Variants in STOM observed in about 807,000 individuals in gnomAD.
The protein encoded by STOM is stomatin.
In STOM, 25 loss-of-function variants were observed where a neutral mutation model predicts 30.6. That is an observed-to-expected ratio of 0.82 (90% CI 0.60 to 1.14). STOM has a LOEUF of 1.14. Among genes scored for constraint, STOM ranks in the 50% most tolerant of loss-of-function variants. The pLI is 0.00. For missense variants in STOM, 292 were observed against 365.2 expected (o/e 0.80, Z 1.63); for synonymous variants, 118 against 130.8 (o/e 0.90, Z 0.67).
chr9:121,369,796 G>T, intron 1 of STOM: 1 of 319,182 alleles, frequency 3.1e-6, no homozygotes, highest in Non-Finnish European at 5.8e-6. Context: ...CCGCCTCGCT[G>T]GCTGCCAGTT....
intron 1 of STOM, among the ~76,000 whole-genome samples, chr9:121,369,518 C>A (rs542975936): frequency 6.6e-6 from 1 of 151,828 alleles, no homozygotes; most frequent in Non-Finnish European, 1.5e-5. Context: ...TGGCGAGGAA[C>A]AAAAGCCGGG....
At chr9:121,365,037 A>G (rs928961159) in intron 1 of STOM, among the ~76,000 whole-genome samples, 3 of 152,178 alleles carry the variant, frequency 2.0e-5, no homozygotes, top group Non-Finnish European at 4.4e-5. Flanking sequence ...TGTGATGAGT[A>G]AATAAGCTAA....
chr9:121,353,315 TAC>T lies in STOM; in HGVS notation c.239-15_239-14del. Reference sequence around the variant, plus strand: ...ATAAAAAACAAACCTGCAACAAAGATACACACATTATACAGACACCAGCAACC... The same window carrying T: ...ATAAAAAACAAACCTGCAACAAAGATACACATTATACAGACACCAGCAACC... On this transcript the variant is annotated splice_polypyrimidine_tract_variant and intron_variant, in intron 3 of 6. Transcript: ENST00000286713. 1 of 1,585,088 alleles carries T rather than the reference TAC, an allele frequency of 6.3e-7. No individual in the cohort carries two copies. The highest frequency in any genetic ancestry group is 8.6e-7 in the Non-Finnish European group (1 of 1,160,702).
At chr9:121,344,214 A>G (rs2064270190) in intron 6 of STOM, among the ~76,000 whole-genome samples, 1 of 152,226 alleles carries the variant, frequency 6.6e-6, no homozygotes, top group East Asian at 1.9e-4. Context: ...AGAAGGGACA[A>G]GTGCCAGCTT....
chr9:121,339,803 A>C lies in STOM; in HGVS notation c.*1399T>G, dbSNP rs1224228096. On this transcript the variant is annotated 3_prime_UTR_variant, in exon 7 of 7. Coordinates refer to ENST00000286713, the MANE Select transcript of STOM (RefSeq NM_004099.6). ...TCCTCTTTCAGCATCAATATACATG[A>C]TAGAAGAATGACTAGGTAAATTTAA... 8.2e-7 allele frequency: 1 copy of C among 1,213,490 alleles called. No homozygotes were observed. The highest frequency in any genetic ancestry group is 1.0e-6 in the Non-Finnish European group (1 of 977,162). The allele number at this position is 1,213,490 out of a possible 1,614,324, so 75.2% of individuals were successfully genotyped here.
intron 3 of STOM, 121 bp from the exon 4 acceptor site, chr9:121,353,423 G>A (rs1288125104): frequency 7.8e-6 from 4 of 511,068 alleles, no homozygotes; most frequent in African/African-American, 2.0e-5. Flanking sequence ...TCGTGAATGA[G>A]CCAGAAGCCA....
chr9:121,366,489 A>T (rs2064504864), intron 1 of STOM, among the ~76,000 whole-genome samples: 1 of 152,188 alleles, frequency 6.6e-6, no homozygotes, highest in Non-Finnish European at 1.5e-5. Context: ...CTTGGCAATT[A>T]TAATCCTTTT....
chr9:121,360,759 C>A (rs2064443661), intron 1 of STOM, among the ~76,000 whole-genome samples: 1 of 151,694 alleles, frequency 6.6e-6, no homozygotes, highest in Non-Finnish European at 1.5e-5. Flanking sequence ...TGAGGACAAG[C>A]CAAAAAGTTC....
At chr9:121,343,600 G>A (rs2064264630) in intron 6 of STOM, among the ~76,000 whole-genome samples, 1 of 152,166 alleles carries the variant, frequency 6.6e-6, no homozygotes, top group Admixed American at 6.5e-5. Flanking sequence ...AATGTTTGCT[G>A]TTTAGAAAAA....
At chr9:121,343,365 G>A (rs949280559) in intron 6 of STOM, among the ~76,000 whole-genome samples, 5 of 152,122 alleles carry the variant, frequency 3.3e-5, no homozygotes, top group African/African-American at 1.2e-4. Flanking sequence ...GGGCCTTCTA[G>A]GGTTAATAAG....
rs1471651159 is a variant in STOM at position 121,340,008 on chromosome 9, G to A, written c.*1194C>T. ...AGATAGTAAAATATAATGGTTTCCT[G>A]AAGTTATCTCTTAAAAAAGTATTTT... On this transcript the variant is annotated 3_prime_UTR_variant, in exon 7 of 7. Coordinates refer to ENST00000286713, the MANE Select transcript of STOM (RefSeq NM_004099.6). The A allele has an allele frequency of 2.0e-6, 2 of 990,286 alleles. No homozygotes were observed. Among genetic ancestry groups the A allele is most frequent in the African/African-American group, 1.7e-5 (1 of 57,512 alleles). The allele number at this position is 990,286 out of a possible 1,614,324, so 61.3% of individuals were successfully genotyped here. A position where few individuals can be genotyped will look rare whatever the true frequency, so the allele number is the denominator to read the frequency against.
chr9:121,348,034 G>T lies in STOM; in HGVS notation c.641C>A (p.Ser214Tyr). The T allele has an allele frequency of 1.2e-6, 2 of 1,614,054 alleles. No homozygotes were observed. Among genetic ancestry groups the T allele is most frequent in the Non-Finnish European group, 1.7e-6 (2 of 1,179,950 alleles). ...AGTTACCTTGGCGCGGGCCTCGCGG[G>T]ACGCTTCTGCTTCTGCAGCCATAGC... ...QRAMAAEAEA[S>Y]REARAKVIAA... The change falls in exon 6 of 7, where the codon TCC becomes TAC. Residue 214 changes from serine (S) to tyrosine (Y), a missense_variant. By Grantham distance (144) the Ser-to-Tyr change is moderately radical. Coordinates refer to ENST00000286713, the MANE Select transcript of STOM (RefSeq NM_004099.6).
At chr9:121,349,795 C>T (rs1024469248) in intron 4 of STOM, among the ~76,000 whole-genome samples, 27 of 152,132 alleles carry the variant, frequency 1.8e-4, no homozygotes, top group African/African-American at 6.5e-4. Flanking sequence ...ACAAAAAGTG[C>T]ATGGGGAATG....
chr9:121,343,930 C>T (rs185509579), intron 6 of STOM, among the ~76,000 whole-genome samples: 9 of 152,072 alleles, frequency 5.9e-5, no homozygotes, highest in Non-Finnish European at 7.4e-5. Context: ...GTGGCCGGTG[C>T]GATTCATAGG....
intron 1 of STOM, among the ~76,000 whole-genome samples, chr9:121,363,459 A>G (rs1165780900): frequency 2.0e-5 from 3 of 152,172 alleles, no homozygotes; most frequent in South Asian, 2.1e-4. Context: ...CTTTTCCTGT[A>G]AAGAACCAGG....
chr9:121,343,380 G>A (rs936617629), intron 6 of STOM, among the ~76,000 whole-genome samples: 4 of 152,164 alleles, frequency 2.6e-5, no homozygotes, highest in African/African-American at 4.8e-5. Flanking sequence ...AATAAGCCCT[G>A]TGTAGGAAAA....
chr9:121,349,102 C>T lies in STOM; in HGVS notation c.525+18G>A. On this transcript the variant is annotated intron_variant, in intron 5 of 6. Transcript: ENST00000286713. ...TTTTTCAGCTTCTGGGGGGTAACAG[C>T]ATTGACGTACTCCCCACCTGCATGT... The T allele has an allele frequency of 6.2e-7, 1 of 1,612,066 alleles. No homozygotes were observed. Among genetic ancestry groups the T allele is most frequent in the Non-Finnish European group, 8.5e-7 (1 of 1,178,440 alleles).
At chr9:121,363,380 A>T (rs2064472331) in intron 1 of STOM, among the ~76,000 whole-genome samples, 1 of 152,022 alleles carries the variant, frequency 6.6e-6, no homozygotes, top group Non-Finnish European at 1.5e-5. Flanking sequence ...AAACATATGT[A>T]TTCAGGATTA....
chr9:121,361,956 G>A (rs2064457546), intron 1 of STOM, among the ~76,000 whole-genome samples: 1 of 152,192 alleles, frequency 6.6e-6, no homozygotes, highest in Non-Finnish European at 1.5e-5. Context: ...TCACAATAGG[G>A]TTTGTGCTCT....
Sources: allele counts gnomAD v4.1 joint callset (sites outside exome capture counted in the v4.1 genomes callset), GRCh38; gene constraint gnomAD v4.1.1; transcripts MANE v1.5; gene names NCBI Gene and HGNC (gene_info 2026-07-23, HGNC 2026-07-21).